Variants in KCNQ5 observed in about 807,000 individuals in gnomAD.
KCNQ5 encodes the protein potassium voltage-gated channel subfamily KQT member 5.
Under a neutral mutation model 98.2 loss-of-function variants are expected in KCNQ5, and 30 were observed. The ratio of observed to expected loss-of-function variants is 0.31; its 90% CI spans 0.23 to 0.41. The LOEUF is 0.41. Among genes scored for constraint, KCNQ5 ranks in the 10% least tolerant of loss-of-function variants. KCNQ5 has a pLI of 1.00. For missense variants in KCNQ5, 835 were observed against 1,182.5 expected (o/e 0.71, Z 4.31); for synonymous variants, 458 against 449.4 (o/e 1.02, Z -0.24).
chr6:72,985,341 C>A (rs1768715900), intron 1 of KCNQ5, among the ~76,000 whole-genome samples: 1 of 152,196 alleles, frequency 6.6e-6, no homozygotes, highest in African/African-American at 2.4e-5. Context: ...ATGTAACTAA[C>A]AGCATATTTT....
chr6:73,061,396 A>G (rs576256700), intron 3 of KCNQ5, among the ~76,000 whole-genome samples: 2 of 152,302 alleles, frequency 1.3e-5, no homozygotes, highest in East Asian at 3.9e-4. Context: ...CAAAAACTAA[A>G]TTAAAAGAAT....
intron 3 of KCNQ5, among the ~76,000 whole-genome samples, chr6:73,046,768 G>A (rs112098502): frequency 0.048 from 7,260 of 151,822 alleles, 338 homozygotes; most frequent in African/African-American, 0.12. Context: ...TCAGCCTCCC[G>A]AGTAGCTGGG....
intron 1 of KCNQ5, among the ~76,000 whole-genome samples, chr6:72,623,388 A>AAG (rs1356855327): frequency 2.3e-5 from 1 of 43,414 alleles, no homozygotes; most frequent in African/African-American, 1.3e-4. Context: ...CGCGGAGTCA[A>AAG]AGAGTGTGTG....
At chr6:73,052,468 A>G (rs1001104728) in intron 3 of KCNQ5, among the ~76,000 whole-genome samples, 3 of 152,186 alleles carry the variant, frequency 2.0e-5, no homozygotes, top group Admixed American at 1.3e-4. Flanking sequence ...CAAAACAAAA[A>G]ATGTTAACAG....
chr6:72,642,833 C>T (rs570624132), intron 1 of KCNQ5, among the ~76,000 whole-genome samples: 1 of 152,182 alleles, frequency 6.6e-6, no homozygotes, highest in Admixed American at 6.6e-5. Flanking sequence ...ACACTATTGA[C>T]AATAGCAAAG....
At chr6:72,850,524 C>G (rs1163588424) in intron 1 of KCNQ5, among the ~76,000 whole-genome samples, 1 of 152,176 alleles carries the variant, frequency 6.6e-6, no homozygotes, top group Non-Finnish European at 1.5e-5. Context: ...TGGTATGACT[C>G]TTGTCCCCGG....
At chr6:72,757,406 T>A (rs559152738) in intron 1 of KCNQ5, among the ~76,000 whole-genome samples, 45 of 152,322 alleles carry the variant, frequency 3.0e-4, no homozygotes, top group African/African-American at 9.4e-4. Context: ...AAAGTCATTG[T>A]AAGTTGAAAA....
At chr6:72,795,460 C>T (rs1774279577) in intron 1 of KCNQ5, among the ~76,000 whole-genome samples, 1 of 152,164 alleles carries the variant, frequency 6.6e-6, no homozygotes, top group African/African-American at 2.4e-5. Flanking sequence ...ACATATCCCT[C>T]TTGAGATGCA....
intron 2 of KCNQ5, among the ~76,000 whole-genome samples, chr6:73,036,711 G>T (rs546102469): frequency 6.6e-6 from 1 of 152,198 alleles, no homozygotes; most frequent in East Asian, 1.9e-4. Context: ...GCATTCCATG[G>T]TATGGAGGCA....
At chr6:72,630,379 T>A (rs2098920148) in intron 1 of KCNQ5, 1 of 152,178 alleles carries the variant, frequency 6.6e-6, no homozygotes, top group Non-Finnish European at 1.5e-5. Context: ...AGTCAGTGGC[T>A]GGATAATCTA....
At chr6:72,688,928 A>T (rs1768079736) in intron 1 of KCNQ5, among the ~76,000 whole-genome samples, 1 of 152,224 alleles carries the variant, frequency 6.6e-6, no homozygotes. Context: ...GAAATATTTC[A>T]TGTCAAAACA....
intron 1 of KCNQ5, among the ~76,000 whole-genome samples, chr6:72,729,135 C>T (rs953117592): frequency 6.6e-6 from 1 of 152,086 alleles, no homozygotes; most frequent in Non-Finnish European, 1.5e-5. Flanking sequence ...ATTTAATGGA[C>T]ATACCATTAT....
chr6:72,791,139 G>T (rs953643587), intron 1 of KCNQ5, among the ~76,000 whole-genome samples: 1 of 152,230 alleles, frequency 6.6e-6, no homozygotes, highest in Non-Finnish European at 1.5e-5. Context: ...GGGAGAAGCA[G>T]CATTTGAGGT....
At position 73,007,877 on chromosome 6, in the gene KCNQ5, C is replaced by T. The variant is rs149518377; in HGVS notation, c.489+3879C>T. Among the ~76,000 whole-genome samples the T allele has an allele frequency of 5.4e-3, 822 of 152,256 alleles. 4 individuals carry two copies. The highest frequency in any genetic ancestry group is 8.9e-3 in the Admixed American group (136 of 15,290). On this transcript the variant is annotated intron_variant, in intron 2 of 13. Transcript: ENST00000370398. ...AAAAGTGACTTCTAGGGGATTAAAA[C>T]GATCCTCCCCACATCCTTCATTTTT...
chr6:73,183,917 A>C (rs1307322662), intron 11 of KCNQ5, among the ~76,000 whole-genome samples: 2 of 152,182 alleles, frequency 1.3e-5, no homozygotes, highest in Non-Finnish European at 2.9e-5. Context: ...GATTTTTGGA[A>C]GCACTGATAG....
At chr6:73,146,421 T>TA (rs1357322529) in intron 10 of KCNQ5, among the ~76,000 whole-genome samples, 1 of 152,054 alleles carries the variant, frequency 6.6e-6, no homozygotes, top group African/African-American at 2.4e-5. Context: ...GCCCAGGAGT[T>TA]AGAGACTAGC....
chr6:72,739,847 T>C (rs1028257235), intron 1 of KCNQ5, among the ~76,000 whole-genome samples: 12 of 152,212 alleles, frequency 7.9e-5, no homozygotes, highest in African/African-American at 2.7e-4. Context: ...AAATTAATTA[T>C]TGTGTTTTAA....
chr6:73,062,239 A>C (rs1562154959), intron 3 of KCNQ5, among the ~76,000 whole-genome samples: 1 of 152,144 alleles, frequency 6.6e-6, no homozygotes, highest in Non-Finnish European at 1.5e-5. Flanking sequence ...CCTCTTAACT[A>C]AGTTAATTGT....
At chr6:72,802,343 T>C (rs1044250225) in intron 1 of KCNQ5, among the ~76,000 whole-genome samples, 2 of 152,332 alleles carry the variant, frequency 1.3e-5, no homozygotes, top group Non-Finnish European at 2.9e-5. Flanking sequence ...TTCTTTTTTC[T>C]CTAAACTTCC....
Sources: allele counts gnomAD v4.1 joint callset (sites outside exome capture counted in the v4.1 genomes callset), GRCh38; gene constraint gnomAD v4.1.1; transcripts MANE v1.5; gene names NCBI Gene and HGNC (gene_info 2026-07-23, HGNC 2026-07-21).